The following COP1 variants were observed in gnomAD, a reference collection of about 807,000 sequenced individuals.
The protein encoded by COP1 is COP1 E3 ubiquitin ligase.
Under a neutral mutation model 101.3 loss-of-function variants are expected in COP1, and 24 were observed. The observed-to-expected ratio is 0.24, with a 90% CI of 0.17 to 0.33. COP1 has a LOEUF of 0.33. Ranked by LOEUF, COP1 falls within the 10% of genes least tolerant of loss-of-function variation. The probability of loss-of-function intolerance (pLI) is 1.00; values close to 1 mark genes in which losing one functional copy is unlikely to be tolerated. For missense variants in COP1, 663 were observed against 906.2 expected, an observed-to-expected ratio of 0.73 and a Z score of 3.45; for synonymous variants, 347 against 341.9, an observed-to-expected ratio of 1.01 and a Z score of -0.17.
At chr1:176,148,394 A>T (rs568231239) in intron 6 of COP1, among the ~76,000 whole-genome samples, 11 of 137,782 alleles carry the variant, frequency 8.0e-5, no homozygotes, top group Non-Finnish European at 1.3e-4. Context: ...TTAGAAATTT[A>T]AAAAAAAAAA....
At chr1:175,995,147 C>T (rs56332884) in intron 15 of COP1, among the ~76,000 whole-genome samples, 10,094 of 152,006 alleles carry the variant, frequency 0.066, 415 homozygotes, top group Middle Eastern at 0.12. Context: ...GAATGACTAC[C>T]GGGTACATAA....
At chr1:175,972,406 C>A (rs1414779135) in intron 18 of COP1, among the ~76,000 whole-genome samples, 1 of 151,736 alleles carries the variant, frequency 6.6e-6, no homozygotes, top group African/African-American at 2.4e-5. Context: ...TACCGAATAC[C>A]TACTTAACAC....
At chr1:176,061,698 AC>A (rs1266490311) in intron 11 of COP1, among the ~76,000 whole-genome samples, 1 of 152,188 alleles carries the variant, frequency 6.6e-6, no homozygotes, top group African/African-American at 2.4e-5. Flanking sequence ...ATAAAAAATA[AC>A]TTGAAATAGA....
intron 6 of COP1, among the ~76,000 whole-genome samples, chr1:176,146,034 G>A (rs1037530575): frequency 3.9e-5 from 6 of 152,014 alleles, no homozygotes; most frequent in African/African-American, 4.8e-5. Flanking sequence ...TATAAAAATC[G>A]TTTAAAATTC....
chr1:175,991,064 G>T (rs1658312710), intron 15 of COP1, among the ~76,000 whole-genome samples: 1 of 152,070 alleles, frequency 6.6e-6, no homozygotes, highest in African/African-American at 2.4e-5. Flanking sequence ...AGCTCCAAAT[G>T]CTTCTTCATT....
intron 16 of COP1, 121 bp from the exon 17 acceptor site, chr1:175,988,533 T>G: frequency 1.1e-6 from 1 of 935,700 alleles, no homozygotes; most frequent in Non-Finnish European, 1.6e-6. Context: ...CCAGACTGAG[T>G]TAGCACGTTC....
chr1:175,984,239 C>G (rs915384032), intron 18 of COP1, among the ~76,000 whole-genome samples: 3 of 152,134 alleles, frequency 2.0e-5, no homozygotes, highest in Non-Finnish European at 4.4e-5. Context: ...TGGCATGCTG[C>G]GTGCAGCCTA....
rs1458122205 is a variant in COP1, at chr1:176,206,883, G to A, written c.96C>T (p.Ser32=). Residue 32 remains serine (S), a synonymous_variant, in exon 1 of 20, where the codon TCC becomes TCT. Transcript: ENST00000367669. ...CCACGGAAGGCGGCGACGGGGAAGA[G>A]GATAAAGACGAGGAGGCGGAAGTCA... is the stretch of plus-strand genomic sequence containing the variant. ...SSVTSASSSL[S]SSPSPPSVAV... 4 of 1,464,114 alleles carry A rather than the reference G, an allele frequency of 2.7e-6. No homozygotes were observed. Among genetic ancestry groups the A allele is most frequent in the African/African-American group, 2.9e-5 (2 of 68,248 alleles). The allele number at this position is 1,464,114 out of a possible 1,614,324, so 90.7% of individuals were successfully genotyped here. A position where few individuals can be genotyped will look rare whatever the true frequency, so the allele number is the denominator to read the frequency against.
chr1:175,999,411 A>G (rs1661063002), intron 15 of COP1, among the ~76,000 whole-genome samples: 1 of 152,042 alleles, frequency 6.6e-6, no homozygotes, highest in South Asian at 2.1e-4. Context: ...CTCCAGTTCC[A>G]TCCATGTTGT....
intron 6 of COP1, among the ~76,000 whole-genome samples, chr1:176,140,524 G>A (rs758104771): frequency 3.4e-4 from 52 of 152,202 alleles, no homozygotes; most frequent in Non-Finnish European, 5.6e-4. Flanking sequence ...AAATTATAAG[G>A]GCATCAGTGC....
At chr1:175,989,322 C>T (rs1282012332) in intron 16 of COP1, 40 bp downstream of exon 16, 2 of 1,009,566 alleles carry the variant, frequency 2.0e-6, no homozygotes, top group Non-Finnish European at 3.2e-6. Context: ...AAGTACAGAG[C>T]TCTGTATTAA....
chr1:175,974,056 T>A (rs1021141848), intron 18 of COP1, among the ~76,000 whole-genome samples: 1 of 152,156 alleles, frequency 6.6e-6, no homozygotes, highest in African/African-American at 2.4e-5. Context: ...AAAGTTTAGA[T>A]CTTATTCTGT....
chr1:176,127,798 T>C (rs963145636), intron 8 of COP1, among the ~76,000 whole-genome samples: 7 of 152,166 alleles, frequency 4.6e-5, no homozygotes, highest in East Asian at 1.9e-4. Context: ...GTTCTATTTT[T>C]AGTTTTTTGA....
chr1:176,080,339 G>A (rs185192413), intron 11 of COP1, among the ~76,000 whole-genome samples: 1 of 152,062 alleles, frequency 6.6e-6, no homozygotes, highest in East Asian at 1.9e-4. Flanking sequence ...TCAACTAAAG[G>A]ACCTCAATTT....
chr1:176,184,557 T>C (rs1480210723), intron 2 of COP1, 76 bp downstream of exon 2: 3 of 1,234,444 alleles, frequency 2.4e-6, no homozygotes, highest in Non-Finnish European at 3.5e-6. Flanking sequence ...TTAAAACACG[T>C]AACTTCTCAT....
intron 11 of COP1, among the ~76,000 whole-genome samples, chr1:176,065,458 T>C (rs1675751049): frequency 6.6e-6 from 1 of 152,296 alleles, no homozygotes; most frequent in Admixed American, 6.5e-5. Flanking sequence ...AAAACACTTG[T>C]CACCAGATTA....
Position 176,039,246 on chromosome 1 carries a change from A to C in COP1, c.1612+3940T>G, listed in dbSNP as rs950990069. On this transcript the variant is annotated intron_variant, in intron 14 of 19. Transcript: ENST00000367669. ...AAAGGAATCTCAGGGGAAATTTAAA[A>C]TATTCAGAACTAAGTGAAAATAAAA... 1.1e-4 allele frequency among the ~76,000 whole-genome samples: 17 copies of C among 152,230 alleles called. 1 individual carries two copies. Among genetic ancestry groups the C allele is most frequent in the Admixed American group, 1.0e-3 (16 of 15,282 alleles).
chr1:176,096,469 G>C (rs572890800), intron 9 of COP1, among the ~76,000 whole-genome samples: 10 of 152,324 alleles, frequency 6.6e-5, no homozygotes, highest in African/African-American at 2.4e-4. Context: ...GGGCGGGAAT[G>C]AGCCACAGCC....
intron 1 of COP1, among the ~76,000 whole-genome samples, chr1:176,193,489 A>C (rs1330090895): frequency 1.4e-4 from 21 of 152,222 alleles, no homozygotes; most frequent in Admixed American, 1.4e-3. Context: ...AACATTATTC[A>C]TAATAGACAG....
Sources: gnomAD v4.1 joint callset for allele counts (sites outside exome capture counted in the v4.1 genomes callset) on GRCh38, gnomAD v4.1.1 for gene constraint, MANE v1.5 for transcripts, NCBI Gene and HGNC (gene_info 2026-07-23, HGNC 2026-07-21) for gene names.